The following EMC3 variants were observed in gnomAD, a reference collection of about 807,000 sequenced individuals.
EMC3 encodes the protein ER membrane protein complex subunit 3, also known as 30 kDa protein.
EMC3 carries 13 observed loss-of-function variants against 36.6 expected under a neutral mutation model. The ratio of observed to expected loss-of-function variants is 0.35; its 90% CI spans 0.23 to 0.56. The LOEUF is 0.56. Ranked by LOEUF, EMC3 falls within the 20% of genes least tolerant of loss-of-function variation. The pLI, the probability that EMC3 is intolerant of heterozygous loss-of-function variation, is 0.84. For missense variants in EMC3, 220 were observed against 324.5 expected, an observed-to-expected ratio of 0.68 and a Z score of 2.47; for synonymous variants, 120 against 111.9, an observed-to-expected ratio of 1.07 and a Z score of -0.46.
rs544989288 is a variant in EMC3 at position 9,986,427 on chromosome 3, G to A, written c.155+80C>T. ...TCAGAGGGGGCGCGACGTGAACCTA[G>A]GCAAATTGACACAACTCCTGCACTT... On this transcript the variant is annotated intron_variant, in intron 1 of 7. Coordinates refer to ENST00000245046, the MANE Select transcript of EMC3 (RefSeq NM_001394674.1). 5.8e-6 allele frequency: 9 copies of A among 1,552,000 alleles called. No individual in the cohort carries two copies. The African/African-American group carries it at 6.8e-5, about 12-fold the overall frequency.
Position 9,964,144 on chromosome 3 carries a change from G to C in EMC3, c.711C>G (p.Val237=). The C allele has an allele frequency of 6.2e-7, 1 of 1,614,056 alleles. No homozygotes were observed. The highest frequency in any genetic ancestry group is 8.5e-7 in the Non-Finnish European group (1 of 1,180,012). ...LTDHQWALDD[V]EEELMAKDLH... is the part of the protein sequence containing the mutation. ...GGTCTTTGGCCATGAGCTCTTCTTC[G>C]ACATCATCTAGTGCCCACTGGTGAT... The change falls in exon 8 of 8, where the codon GTC becomes GTG. Residue 237 remains valine (V), a synonymous_variant. Coordinates refer to ENST00000245046, the MANE Select transcript of EMC3 (RefSeq NM_001394674.1).
upstream of EMC3, chr3:9,987,979 G>T: frequency 1.0e-6 from 1 of 954,888 alleles, no homozygotes; most frequent in South Asian, 1.3e-5. Context: ...GGCTTTCCAA[G>T]TAAAGTTAAA....
chr3:9,984,858 C>T lies in EMC3; in HGVS notation c.155+1649G>A, dbSNP rs117718138. On this transcript the variant is annotated intron_variant, in intron 1 of 7. Transcript: ENST00000245046. Reference sequence around the variant, plus strand: ...AATGTCACCCTGTGTGACGCTGTAACGCACCTGGCACTCTTCTCAACGAAC... The same window carrying T: ...AATGTCACCCTGTGTGACGCTGTAATGCACCTGGCACTCTTCTCAACGAAC... Among the ~76,000 whole-genome samples, 61 of 152,350 alleles carry T rather than the reference C, an allele frequency of 4.0e-4. 1 individual carries two copies. Among genetic ancestry groups the T allele is most frequent in the South Asian group, 1.9e-3 (9 of 4,824 alleles).
At chr3:9,984,211 A>G (rs534325486) in intron 1 of EMC3, among the ~76,000 whole-genome samples, 2 of 151,976 alleles carry the variant, frequency 1.3e-5, no homozygotes, top group African/African-American at 4.8e-5. Flanking sequence ...CCTCCCGAGT[A>G]GCTGGGACTA....
In EMC3 at chr3:9,977,552, G is replaced by C. The variant is rs1293853948; in HGVS notation, c.156-106C>G. The C allele has an allele frequency of 3.2e-6, 3 of 930,918 alleles. No homozygotes were observed. The Admixed American group carries it at 8.4e-5, about 26-fold the overall frequency. 57.7% of individuals were successfully genotyped at this position (930,918 alleles called of 1,614,324 possible). A position where few individuals can be genotyped will look rare whatever the true frequency, so the allele number is the denominator to read the frequency against. The stretch of plus-strand genomic sequence containing the variant: ...TTAAACACAAGAGAGGGCCTATTTG[G>C]CAACAGCTCTGTGTGGAAACTTCCC... On this transcript the variant is annotated intron_variant, in intron 1 of 7. Transcript: ENST00000245046.
At chr3:9,980,160 C>T (rs899055359) in intron 1 of EMC3, among the ~76,000 whole-genome samples, 3 of 151,814 alleles carry the variant, frequency 2.0e-5, no homozygotes, top group East Asian at 1.9e-4. Context: ...GTTACAGGCG[C>T]GCACCACCAT....
intron 1 of EMC3, 37 bp downstream of exon 1, chr3:9,986,470 G>A: frequency 3.1e-6 from 5 of 1,607,096 alleles, no homozygotes; most frequent in Non-Finnish European, 4.3e-6. Flanking sequence ...CAAGGTCACG[G>A]CGGTGTGAGG....
At chr3:10,000,510 T>C (rs748605509) in intron 1 of EMC3, 2 of 223,200 alleles carry the variant, frequency 9.0e-6, no homozygotes, top group Admixed American at 1.0e-4. Context: ...TAGTTTTAAA[T>C]CACAACTGCC....
Position 9,974,429 on chromosome 3 carries a change from G to A in EMC3, c.367C>T (p.Leu123Phe). Residue 123 changes from leucine (L) to phenylalanine (F), a missense_variant, in exon 4 of 8, where the codon CTT (leucine) becomes TTT (phenylalanine). Physicochemically the swap from Leu to Phe is conservative, Grantham distance 22 (BLOSUM62 0). Around this residue, in one of 3 missense-constraint regions of EMC3, gnomAD observed 127 missense variants for 174.6 expected, o/e 0.73. Transcript: ENST00000245046. ...GTCATGTTGATCCATCCACCAATAA[G>A]AATCATAGGGAGGACATTTGTTACA... ...GNVTNVLPMI[L>F]IGGWINMTFS... The A allele has an allele frequency of 6.2e-7, 1 of 1,613,956 alleles. No individual in the cohort carries two copies. The highest frequency in any genetic ancestry group is 8.5e-7 in the Non-Finnish European group (1 of 1,179,850).
At chr3:10,002,038 A>T (rs1046670035) in intron 1 of EMC3, among the ~76,000 whole-genome samples, 2 of 151,494 alleles carry the variant, frequency 1.3e-5, no homozygotes, top group Non-Finnish European at 2.9e-5. Flanking sequence ...AGGAAGTGTG[A>T]GCCCTCCAAC....
chr3:9,987,693 TTC>T (rs1173635110), upstream of EMC3: 1 of 360,246 alleles, frequency 2.8e-6, no homozygotes. Context: ...CATTTACTCT[TTC>T]TGTGTAGTAC....
chr3:9,973,589 T>G (rs377170685), intron 5 of EMC3, 39 bp downstream of exon 5: 1 of 1,579,190 alleles, frequency 6.3e-7, no homozygotes, highest in South Asian at 1.1e-5. Flanking sequence ...CTTCCCAAAG[T>G]GTGGTTTGTG....
At chr3:9,982,542 C>A (rs2124915620) in intron 1 of EMC3, among the ~76,000 whole-genome samples, 1 of 152,270 alleles carries the variant, frequency 6.6e-6, no homozygotes, top group African/African-American at 2.4e-5. Context: ...GTGTGAGCCA[C>A]CGTGCCCTGC....
chr3:9,983,630 C>T (rs2085936611), intron 1 of EMC3, among the ~76,000 whole-genome samples: 1 of 151,914 alleles, frequency 6.6e-6, no homozygotes, highest in South Asian at 2.1e-4. Flanking sequence ...CAAGATTGCG[C>T]CACTGCACTC....
Position 9,986,679 on chromosome 3 carries a change from T to G in EMC3, c.-18A>C. The stretch of plus-strand genomic sequence containing the variant: ...CCTGCCATCTTCACTGAAAGCTGGT[T>G]CCCAGTCTGGAATGGGCGAGCTTCT... On this transcript the variant is annotated 5_prime_UTR_variant, in exon 1 of 8. Transcript: ENST00000245046. 1 of 1,613,376 alleles carries G rather than the reference T, an allele frequency of 6.2e-7. No homozygotes were observed. Among genetic ancestry groups the G allele is most frequent in the Non-Finnish European group, 8.5e-7 (1 of 1,179,406 alleles).
chr3:9,976,945 G>A lies in EMC3; in HGVS notation c.307+12C>T. 1 of 1,596,838 alleles carries A rather than the reference G, an allele frequency of 6.3e-7. No individual in the cohort carries two copies. The highest frequency in any genetic ancestry group is 8.5e-7 in the Non-Finnish European group (1 of 1,170,344). On this transcript the variant is annotated intron_variant, in intron 3 of 7. Coordinates refer to ENST00000245046, the MANE Select transcript of EMC3 (RefSeq NM_001394674.1). ...AATCTTCCTTAAAGATGAGTGAAGG[G>A]AACAAACATACCAGTCATAGGAGAA...
intron 1 of EMC3, among the ~76,000 whole-genome samples, chr3:10,007,980 G>C (rs2086282152): frequency 6.6e-6 from 1 of 152,166 alleles, no homozygotes; most frequent in East Asian, 1.9e-4. Flanking sequence ...GAGTGTTATA[G>C]GGCTCCTTGT....
intron 1 of EMC3, among the ~76,000 whole-genome samples, chr3:9,979,980 A>G (rs1473866505): frequency 6.6e-6 from 1 of 151,974 alleles, no homozygotes. Flanking sequence ...GGTGTGCAAG[A>G]GCCAGACTAT....
chr3:9,963,477 A>ATATATATTTT lies in EMC3; in HGVS notation c.*591_*592insAAAATATATA, dbSNP rs61596273. ...TAGATATATATATATATATATATAT[A>ATATATATTTT]TTTTTTTTTTTTTTTCAGATGGAGT... On this transcript the variant is annotated 3_prime_UTR_variant, in exon 8 of 8. Transcript: ENST00000245046. 2.0e-3 allele frequency: 176 copies of ATATATATTTT among 88,860 alleles called. 1 individual carries two copies. The highest frequency in any genetic ancestry group is 2.5e-3 in the Non-Finnish European group (115 of 46,232). The allele number at this position is 88,860 out of a possible 1,614,324, so 5.5% of individuals were successfully genotyped here.
Sources: gnomAD v4.1 joint callset for allele counts (sites outside exome capture counted in the v4.1 genomes callset) on GRCh38, gnomAD v4.1.1 for gene constraint, gnomAD v4.1.1 regional missense constraint, MANE v1.5 for transcripts, NCBI Gene and HGNC (gene_info 2026-07-23, HGNC 2026-07-21) for gene names.